The following POT1 variants were observed in gnomAD, a reference collection of about 807,000 sequenced individuals.
POT1 encodes the protein protection of telomeres 1, also known as protection of telomeres protein 1.
A neutral mutation model predicts 78.5 loss-of-function variants in POT1; 47 were observed. That is an observed-to-expected ratio of 0.60 (90% CI 0.47 to 0.76). The LOEUF (loss-of-function observed/expected upper bound fraction) is 0.76, where lower values mean the gene tolerates loss of function less well. POT1 is among the 30% of genes least tolerant of loss of function. The pLI is 0.00. For synonymous variants in POT1, 259 were observed against 260.7 expected, an observed-to-expected ratio of 0.99 and a Z score of 0.06; for missense variants, 646 against 749.9, an observed-to-expected ratio of 0.86 and a Z score of 1.62.
rs886517464 is a variant in POT1 at position 124,823,616 on chromosome 7, T to A, written c.*346A>T. The A allele has an allele frequency of 4.7e-5, 9 of 189,578 alleles. No individual in the cohort carries two copies. Among genetic ancestry groups the A allele is most frequent in the Non-Finnish European group, 9.6e-5 (9 of 93,690 alleles). 11.7% of individuals were successfully genotyped at this position (189,578 alleles called of 1,614,324 possible). A position where few individuals can be genotyped will look rare whatever the true frequency, so the allele number is the denominator to read the frequency against. On this transcript the variant is annotated 3_prime_UTR_variant, in exon 19 of 19. Coordinates refer to ENST00000357628, the MANE Select transcript of POT1 (RefSeq NM_015450.3). ...GCAATAAAACCATGTATTACAAGTT[T>A]AAAGAAATGAATTTATCCTAAAATC...
intron 3 of POT1, among the ~76,000 whole-genome samples, chr7:124,909,081 C>T (rs1440065870): frequency 2.0e-5 from 3 of 151,976 alleles, no homozygotes; most frequent in Admixed American, 6.6e-5. Context: ...CTAACTCTAA[C>T]AGGGATACAG....
intron 11 of POT1, among the ~76,000 whole-genome samples, chr7:124,850,506 T>C (rs1456875751): frequency 6.6e-6 from 1 of 152,108 alleles, no homozygotes; most frequent in Non-Finnish European, 1.5e-5. Flanking sequence ...GGCGGGCGGA[T>C]CATGAGGTCA....
intron 2 of POT1, among the ~76,000 whole-genome samples, chr7:124,923,037 CA>C (rs34384029): frequency 6.6e-6 from 1 of 150,386 alleles, no homozygotes; most frequent in Non-Finnish European, 1.5e-5. Context: ...AATGCAATTT[CA>C]AAAAAAATAG....
At chr7:124,861,799 T>G (rs1007049007) in intron 8 of POT1, among the ~76,000 whole-genome samples, 1 of 152,248 alleles carries the variant, frequency 6.6e-6, no homozygotes, top group Admixed American at 6.5e-5. Flanking sequence ...AAGGAAGGGG[T>G]CTACTTTCAG....
At chr7:124,874,631 A>C (rs1456150146) in intron 6 of POT1, among the ~76,000 whole-genome samples, 1 of 151,842 alleles carries the variant, frequency 6.6e-6, no homozygotes, top group African/African-American at 2.4e-5. Context: ...GCTACTTGGG[A>C]GGCTGAGGCA....
At chr7:124,890,498 A>T (rs778668078) in intron 6 of POT1, among the ~76,000 whole-genome samples, 4 of 151,934 alleles carry the variant, frequency 2.6e-5, no homozygotes, top group Non-Finnish European at 5.9e-5. Flanking sequence ...AAATACTATC[A>T]AACAGCATCT....
chr7:124,846,912 G>T, intron 12 of POT1, 30 bp downstream of exon 12: 1 of 1,464,932 alleles, frequency 6.8e-7, no homozygotes, highest in East Asian at 2.3e-5. Flanking sequence ...TCATTACTGT[G>T]CCCATCTCAA....
intron 7 of POT1, among the ~76,000 whole-genome samples, chr7:124,864,950 TC>T (rs1418506025): frequency 7.2e-5 from 11 of 152,242 alleles, no homozygotes; most frequent in Admixed American, 5.2e-4. Context: ...TTGCTAGCAT[TC>T]CTCTTTGGCC....
chr7:124,881,951 C>T (rs900022620), intron 6 of POT1, among the ~76,000 whole-genome samples: 13 of 151,964 alleles, frequency 8.6e-5, no homozygotes, highest in African/African-American at 2.9e-4. Flanking sequence ...AAACTGCTGA[C>T]AAAGTACTTA....
chr7:124,912,116 A>G (rs1796902322), intron 3 of POT1, among the ~76,000 whole-genome samples: 1 of 152,124 alleles, frequency 6.6e-6, no homozygotes, highest in African/African-American at 2.4e-5. Context: ...TAATTACAAT[A>G]ATAGTAATGA....
chr7:124,830,920 C>G (rs1368499049), intron 15 of POT1, among the ~76,000 whole-genome samples: 2 of 152,038 alleles, frequency 1.3e-5, no homozygotes, highest in African/African-American at 4.8e-5. Flanking sequence ...GGAAAGAAAC[C>G]TTACAATCAA....
chr7:124,826,682 C>T (rs1027631545), intron 17 of POT1, among the ~76,000 whole-genome samples: 1 of 152,032 alleles, frequency 6.6e-6, no homozygotes, highest in African/African-American at 2.4e-5. Flanking sequence ...ACCAGCCTGG[C>T]CAAGATGGTG....
chr7:124,867,612 T>C (rs1305426378), intron 7 of POT1, among the ~76,000 whole-genome samples: 5 of 152,016 alleles, frequency 3.3e-5, no homozygotes, highest in African/African-American at 7.2e-5. Context: ...TAGAAAGGCC[T>C]TTCCTGATTT....
At chr7:124,871,702 G>A (rs769873969) in intron 6 of POT1, among the ~76,000 whole-genome samples, 35 of 149,838 alleles carry the variant, frequency 2.3e-4, no homozygotes, top group Non-Finnish European at 3.5e-4. Flanking sequence ...ACTGGTGGTA[G>A]TAAAAACTGT....
At chr7:124,883,504 C>A (rs552287048) in intron 6 of POT1, among the ~76,000 whole-genome samples, 1 of 152,006 alleles carries the variant, frequency 6.6e-6, no homozygotes, top group African/African-American at 2.4e-5. Flanking sequence ...GCTGAACAAA[C>A]AAATGAGTGA....
At chr7:124,896,348 A>C (rs66461856) in intron 5 of POT1, among the ~76,000 whole-genome samples, 6,505 of 151,836 alleles carry the variant, frequency 0.043, 348 homozygotes, top group African/African-American at 0.12. Context: ...ATTTTAAATT[A>C]AACAATTTAT....
chr7:124,836,164 A>G (rs542511897), intron 14 of POT1, among the ~76,000 whole-genome samples: 1 of 152,320 alleles, frequency 6.6e-6, no homozygotes, highest in South Asian at 2.1e-4. Context: ...GACACACTTG[A>G]CTATAACAGC....
At chr7:124,903,486 G>C (rs1055913496) in intron 3 of POT1, among the ~76,000 whole-genome samples, 28 of 152,148 alleles carry the variant, frequency 1.8e-4, no homozygotes, top group African/African-American at 6.8e-4. Flanking sequence ...TGAGAACAAA[G>C]ACACAACATA....
intron 6 of POT1, among the ~76,000 whole-genome samples, chr7:124,890,387 A>G (rs946763198): frequency 3.3e-5 from 5 of 151,976 alleles, no homozygotes; most frequent in Admixed American, 3.3e-4. Flanking sequence ...AATATTTTTG[A>G]TATGACAACA....
Sources: allele counts gnomAD v4.1 joint callset (sites outside exome capture counted in the v4.1 genomes callset), GRCh38; gene constraint gnomAD v4.1.1; transcripts MANE v1.5; gene names NCBI Gene and HGNC (gene_info 2026-07-23, HGNC 2026-07-21).